The following SHANK2 variants were observed in gnomAD, a reference collection of about 807,000 sequenced individuals.
The protein encoded by SHANK2 is SH3 and multiple ankyrin repeat domains 2, also known as SH3 and multiple ankyrin repeat domains protein 2.
Under a neutral mutation model 133.7 loss-of-function variants are expected in SHANK2, and 43 were observed. The ratio of observed to expected loss-of-function variants is 0.32; its 90% confidence interval spans 0.25 to 0.41. The LOEUF is 0.41. Ranked by LOEUF, SHANK2 falls within the 10% of genes least tolerant of loss-of-function variation. The pLI, the probability that SHANK2 is intolerant of heterozygous loss-of-function variation, is 1.00. For missense variants in SHANK2, 1,994 were observed against 2,235.8 expected (o/e 0.89, Z 2.18); for synonymous variants, 1,017 against 952.8 (o/e 1.07, Z -1.24).
chr11:70,690,478 T>A (rs1945256733), intron 15 of SHANK2, among the ~76,000 whole-genome samples: 1 of 141,006 alleles, frequency 7.1e-6, no homozygotes, highest in African/African-American at 2.6e-5. Flanking sequence ...CATAATGTAA[T>A]ACTTCCCATG....
chr11:70,734,271 A>C (rs1946353768), intron 14 of SHANK2, among the ~76,000 whole-genome samples: 1 of 152,148 alleles, frequency 6.6e-6, no homozygotes, highest in Non-Finnish European at 1.5e-5. Flanking sequence ...GGGTTGTTCG[A>C]GAATGTTTTG....
At chr11:70,537,549 G>C (rs1397078076) in intron 17 of SHANK2, among the ~76,000 whole-genome samples, 1 of 152,142 alleles carries the variant, frequency 6.6e-6, no homozygotes, top group Admixed American at 6.5e-5. Context: ...CCTCCTCCCC[G>C]GAGTCTTGGG....
intron 17 of SHANK2, among the ~76,000 whole-genome samples, chr11:70,646,916 A>C (rs2134189030): frequency 6.6e-6 from 1 of 151,780 alleles, no homozygotes; most frequent in Admixed American, 6.6e-5. Flanking sequence ...GCTGGAGTGC[A>C]GTGGCACAAT....
In SHANK2 at chr11:71,133,346, A is replaced by ATGGC. The variant is rs57172693; in HGVS notation, c.207+13770_207+13773dup. 2.8e-4 allele frequency among the ~76,000 whole-genome samples: 31 copies of ATGGC among 111,958 alleles called. No individual in the cohort carries two copies. The Middle Eastern group carries it at 0.018, about 66-fold the overall frequency. 73.4% of individuals were successfully genotyped at this position (111,958 alleles called of 152,430 possible). A position where few individuals can be genotyped will look rare whatever the true frequency, so the allele number is the denominator to read the frequency against. On this transcript the variant is annotated intron_variant, in intron 3 of 25. Transcript: ENST00000601538. ...GGTAGGTGGGTGGCTGGGAGGATGC[A>ATGGC]TGGCTGGCTGGCTGGCTGGCTGGGT...
intron 14 of SHANK2, among the ~76,000 whole-genome samples, chr11:70,708,311 T>C (rs954520405): frequency 3.3e-5 from 5 of 151,956 alleles, no homozygotes; most frequent in Non-Finnish European, 5.9e-5. Context: ...GGACACTGCA[T>C]TTCTCCTGAT....
chr11:71,108,680 C>A (rs1291532345), intron 6 of SHANK2, among the ~76,000 whole-genome samples: 1 of 152,214 alleles, frequency 6.6e-6, no homozygotes, highest in African/African-American at 2.4e-5. Flanking sequence ...GGGCCTGGGG[C>A]TGCTCAGCTG....
intron 8 of SHANK2, among the ~76,000 whole-genome samples, chr11:71,091,692 A>G (rs1951522148): frequency 6.6e-6 from 1 of 151,884 alleles, no homozygotes; most frequent in Admixed American, 6.6e-5. Context: ...CAGCCAAGAG[A>G]AGAGAGGCAG....
chr11:70,525,198 G>A (rs913846174), intron 17 of SHANK2, among the ~76,000 whole-genome samples: 8 of 152,208 alleles, frequency 5.3e-5, no homozygotes, highest in Non-Finnish European at 7.3e-5. Flanking sequence ...ACTTGGGAGC[G>A]CATCCAGGCC....
intron 2 of SHANK2, among the ~76,000 whole-genome samples, chr11:71,210,693 C>A (rs540850946): frequency 1.6e-4 from 24 of 152,256 alleles, no homozygotes; most frequent in Admixed American, 2.0e-4. Context: ...CACTTCCCCC[C>A]ACTTGACCTG....
At chr11:70,557,900 GC>G (rs1243221668) in intron 17 of SHANK2, among the ~76,000 whole-genome samples, 1 of 152,228 alleles carries the variant, frequency 6.6e-6, no homozygotes, top group Non-Finnish European at 1.5e-5. Flanking sequence ...CCGAGCCGGG[GC>G]TGAGTCACTG....
chr11:70,800,098 A>C (rs78571639), intron 13 of SHANK2, among the ~76,000 whole-genome samples: 1,663 of 152,120 alleles, frequency 0.011, 28 homozygotes, highest in African/African-American at 0.037. Context: ...ATCACAGCGC[A>C]CTGCAGCCTT....
intron 6 of SHANK2, among the ~76,000 whole-genome samples, chr11:71,107,958 C>T (rs1555098246): frequency 6.6e-6 from 1 of 152,174 alleles, no homozygotes; most frequent in African/African-American, 2.4e-5. Flanking sequence ...GACAGAGAGC[C>T]ACGCTGCCCA....
At chr11:71,084,256 C>T (rs1386068639) in intron 8 of SHANK2, among the ~76,000 whole-genome samples, 2 of 152,178 alleles carry the variant, frequency 1.3e-5, no homozygotes, top group Non-Finnish European at 2.9e-5. Flanking sequence ...CAGGCATAAG[C>T]CACCGCACCC....
intron 17 of SHANK2, among the ~76,000 whole-genome samples, chr11:70,630,817 C>A (rs541766296): frequency 6.6e-6 from 1 of 152,302 alleles, no homozygotes; most frequent in South Asian, 2.1e-4. Flanking sequence ...AGGGGAGACA[C>A]TTCTGTTGTT....
Position 71,142,168 on chromosome 11 carries a change from C to T in SHANK2, c.207+4952G>A, listed in dbSNP as rs567986992. Among the ~76,000 whole-genome samples, 373 of 152,240 alleles carry T rather than the reference C, an allele frequency of 2.5e-3. 2 individuals carry two copies. The highest frequency in any genetic ancestry group is 4.5e-3 in the Non-Finnish European group (307 of 68,008). On this transcript the variant is annotated intron_variant, in intron 3 of 25. Coordinates refer to ENST00000601538, the MANE Select transcript of SHANK2 (RefSeq NM_012309.5). ...AAATTAGAAATCACAAAAATTAGAA[C>T]GGGTCTAACTGAGAACACAACAATT...
chr11:71,145,536 G>T (rs782778997), intron 3 of SHANK2, among the ~76,000 whole-genome samples: 10 of 152,214 alleles, frequency 6.6e-5, no homozygotes, highest in Non-Finnish European at 4.4e-5. Context: ...CAGGGCTGGG[G>T]GTGGGCTGAG....
intron 17 of SHANK2, among the ~76,000 whole-genome samples, chr11:70,586,769 G>C (rs1209687958): frequency 6.6e-6 from 1 of 152,346 alleles, no homozygotes; most frequent in African/African-American, 2.4e-5. Context: ...CCGGGAGTGG[G>C]CAGGTGTCTC....
intron 17 of SHANK2, among the ~76,000 whole-genome samples, chr11:70,505,454 T>G (rs2059122510): frequency 6.6e-6 from 1 of 151,956 alleles, no homozygotes; most frequent in South Asian, 2.1e-4. Flanking sequence ...TGAGAAGACC[T>G]GGCAGTAGGG....
intron 10 of SHANK2, chr11:70,907,909 C>T: frequency 2.2e-6 from 1 of 453,592 alleles, no homozygotes; most frequent in South Asian, 1.6e-5. Context: ...CGAGACCAGT[C>T]TGGCCAACAT....
Sources: allele counts gnomAD v4.1 joint callset (sites outside exome capture counted in the v4.1 genomes callset), GRCh38; gene constraint gnomAD v4.1.1; transcripts MANE v1.5; gene names NCBI Gene and HGNC (gene_info 2026-07-23, HGNC 2026-07-21).